The following MLIP variants were observed in gnomAD, a reference collection of about 807,000 sequenced individuals.
MLIP encodes muscular LMNA-interacting protein.
A neutral mutation model predicts 84.8 loss-of-function variants in MLIP; 79 were observed. The ratio of observed to expected loss-of-function variants is 0.93; its 90% CI spans 0.78 to 1.12. MLIP has a LOEUF of 1.12. Ranked by LOEUF, MLIP falls within the 50% of genes most tolerant of loss-of-function variation. MLIP has a pLI of 0.00. For synonymous variants in MLIP, 504 were observed against 463.0 expected (o/e 1.09, Z -1.14); for missense variants, 1,257 against 1,160.6 (o/e 1.08, Z -1.21).
chr6:54,202,013 A>G, intron 10 of MLIP, 92 bp from the exon 11 acceptor site: 1 of 888,454 alleles, frequency 1.1e-6, no homozygotes, highest in Non-Finnish European at 1.6e-6. Context: ...TTTCTGTGAG[A>G]ACAGCATTGA....
rs550009405 is a variant in MLIP at position 54,150,598 on chromosome 6, G to A, written c.2289+1471G>A. ...GAGATGAGGAGCCTGTTTCATGCTC[G>A]TCTTTCCCTCATACTTGTCTCGCCT... On this transcript the variant is annotated intron_variant, in intron 5 of 13. Coordinates refer to ENST00000502396, the MANE Select transcript of MLIP (RefSeq NM_001281747.2). Among the ~76,000 whole-genome samples, 7 of 152,260 alleles carry A rather than the reference G, an allele frequency of 4.6e-5. No individual in the cohort carries two copies. In the South Asian group the frequency reaches 1.0e-3, roughly 23 times the overall value.
chr6:54,213,727 A>AAAAAAAAAAAAAAAC lies in MLIP; in HGVS notation c.2718+11503_2718+11504insAAAAACAAAAAAAAA, dbSNP rs1779643499. On this transcript the variant is annotated intron_variant, in intron 11 of 13. Coordinates refer to ENST00000502396, the MANE Select transcript of MLIP (RefSeq NM_001281747.2). ...TGTCTCAAAAAAAAAAAAAAAAAAA[A>AAAAAAAAAAAAAAAC]AAAAAAAAACAACAAACAGCATATC... 2.0e-4 allele frequency among the ~76,000 whole-genome samples: 2 copies of AAAAAAAAAAAAAAAC among 9,934 alleles called. 1 individual carries two copies. Among genetic ancestry groups the AAAAAAAAAAAAAAAC allele is most frequent in the African/African-American group, 2.8e-4 (2 of 7,228 alleles). 6.5% of individuals were successfully genotyped at this position (9,934 alleles called of 152,430 possible).
chr6:54,129,433 T>A (rs968614765), intron 3 of MLIP, among the ~76,000 whole-genome samples: 2 of 152,138 alleles, frequency 1.3e-5, no homozygotes, highest in Non-Finnish European at 2.9e-5. Flanking sequence ...GAATGAATGA[T>A]CCTCCTTTTC....
chr6:54,214,082 T>C (rs770912691), intron 11 of MLIP, among the ~76,000 whole-genome samples: 1 of 152,226 alleles, frequency 6.6e-6, no homozygotes, highest in Non-Finnish European at 1.5e-5. Context: ...TTCAAGCAAC[T>C]TATACTTATT....
intron 11 of MLIP, among the ~76,000 whole-genome samples, chr6:54,213,477 A>G (rs58270498): frequency 0.031 from 4,770 of 152,032 alleles, 222 homozygotes; most frequent in African/African-American, 0.11. Context: ...CAAGGCAGGC[A>G]GATTACCTGA....
At chr6:54,044,657 G>A (rs1280610987) in intron 1 of MLIP, among the ~76,000 whole-genome samples, 3 of 147,462 alleles carry the variant, frequency 2.0e-5, no homozygotes, top group African/African-American at 5.0e-5. Flanking sequence ...TTTCTTCAAC[G>A]TCACCTTATT....
At chr6:54,242,661 A>G (rs939424359) in intron 12 of MLIP, among the ~76,000 whole-genome samples, 3 of 152,176 alleles carry the variant, frequency 2.0e-5, no homozygotes, top group African/African-American at 7.2e-5. Flanking sequence ...AGGGCTTTGA[A>G]ATAACAATTT....
At chr6:54,089,609 C>A (rs1037089084) in intron 1 of MLIP, among the ~76,000 whole-genome samples, 1 of 152,032 alleles carries the variant, frequency 6.6e-6, no homozygotes, top group African/African-American at 2.4e-5. Flanking sequence ...CCCTTTGAGC[C>A]TTTCAGCGAC....
intron 1 of MLIP, among the ~76,000 whole-genome samples, chr6:54,105,525 A>G (rs551602333): frequency 3.7e-4 from 56 of 152,340 alleles, no homozygotes; most frequent in African/African-American, 1.3e-3. Flanking sequence ...TCTAGTTGCT[A>G]CAGAAATAGC....
chr6:54,113,683 C>A (rs571512019), intron 1 of MLIP, among the ~76,000 whole-genome samples: 3 of 151,950 alleles, frequency 2.0e-5, no homozygotes, highest in African/African-American at 7.2e-5. Context: ...AATGCCAAAG[C>A]CTGGAATTTA....
At chr6:54,140,212 G>A (rs1339748064) in intron 4 of MLIP, among the ~76,000 whole-genome samples, 10 of 152,052 alleles carry the variant, frequency 6.6e-5, no homozygotes, top group Non-Finnish European at 2.9e-5. Context: ...CACTCTAGAA[G>A]CTTTTTCAAA....
chr6:54,242,174 T>C (rs1356420924), intron 12 of MLIP, among the ~76,000 whole-genome samples: 1 of 152,178 alleles, frequency 6.6e-6, no homozygotes, highest in African/African-American at 2.4e-5. Flanking sequence ...AACTTTCATG[T>C]CCAGAGTGGG....
intron 3 of MLIP, among the ~76,000 whole-genome samples, chr6:54,128,084 A>T (rs1038371559): frequency 6.6e-6 from 1 of 152,168 alleles, no homozygotes; most frequent in Non-Finnish European, 1.5e-5. Flanking sequence ...ATATGGGAAA[A>T]ATTAAGCATG....
intron 1 of MLIP, among the ~76,000 whole-genome samples, chr6:54,055,869 A>G (rs189576920): frequency 4.7e-4 from 71 of 152,184 alleles, no homozygotes; most frequent in Admixed American, 3.1e-3. Context: ...GAGGGCAGAG[A>G]TCATGTCTCT....
chr6:54,117,761 A>G (rs1424666622), intron 1 of MLIP, among the ~76,000 whole-genome samples: 4 of 151,364 alleles, frequency 2.6e-5, no homozygotes, highest in African/African-American at 9.7e-5. Context: ...CCTGGCTAAC[A>G]TGGTGAAACC....
At chr6:54,249,516 C>A (rs1396959764) in intron 12 of MLIP, among the ~76,000 whole-genome samples, 1 of 151,360 alleles carries the variant, frequency 6.6e-6, no homozygotes, top group Non-Finnish European at 1.5e-5. Context: ...GGAGCTTTTT[C>A]CACATAGCAT....
At chr6:54,113,250 C>T (rs543942363) in intron 1 of MLIP, among the ~76,000 whole-genome samples, 13 of 152,210 alleles carry the variant, frequency 8.5e-5, no homozygotes, top group Admixed American at 7.9e-4. Context: ...CCTCTTTACT[C>T]CTAAAGGATT....
chr6:54,179,819 A>G (rs1041511961), intron 9 of MLIP, among the ~76,000 whole-genome samples: 2 of 152,286 alleles, frequency 1.3e-5, no homozygotes, highest in African/African-American at 4.8e-5. Context: ...CTTTCTACTT[A>G]AAAGCAGTTT....
At chr6:54,106,066 A>G (rs987833387) in intron 1 of MLIP, among the ~76,000 whole-genome samples, 2 of 152,254 alleles carry the variant, frequency 1.3e-5, no homozygotes, top group Admixed American at 6.5e-5. Flanking sequence ...ATTAGCATGC[A>G]AAGTTTATTA....
Sources: allele counts gnomAD v4.1 joint callset (sites outside exome capture counted in the v4.1 genomes callset), GRCh38; gene constraint gnomAD v4.1.1; transcripts MANE v1.5; gene names NCBI Gene and HGNC (gene_info 2026-07-23, HGNC 2026-07-21).